The following COG5 variants were observed in gnomAD, a reference collection of about 807,000 sequenced individuals.
COG5 encodes component of oligomeric golgi complex 5.
A neutral mutation model predicts 110.4 loss-of-function variants in COG5; 86 were observed. The observed-to-expected ratio is 0.78, with a 90% confidence interval of 0.65 to 0.93. The LOEUF (loss-of-function observed/expected upper bound fraction) is 0.93, where lower values mean the gene tolerates loss of function less well. Ranked by LOEUF, COG5 falls within the 40% of genes least tolerant of loss-of-function variation. The pLI, the probability that COG5 is intolerant of heterozygous loss-of-function variation, is 0.00. For missense variants in COG5, 1,077 were observed against 987.0 expected (o/e 1.09, Z -1.22); for synonymous variants, 360 against 334.6 (o/e 1.08, Z -0.83).
intron 10 of COG5, among the ~76,000 whole-genome samples, chr7:107,347,608 G>T (rs1347181398): frequency 6.6e-6 from 1 of 152,138 alleles, no homozygotes; most frequent in East Asian, 1.9e-4. Flanking sequence ...ACAAAGAAAT[G>T]ATAAATGTTT....
intron 5 of COG5, among the ~76,000 whole-genome samples, chr7:107,545,898 G>C (rs182647090): frequency 6.6e-6 from 1 of 151,766 alleles, no homozygotes; most frequent in Non-Finnish European, 1.5e-5. Flanking sequence ...AGAACACTCC[G>C]TCCAACAGCA....
At chr7:107,337,089 C>T (rs908267090) in intron 10 of COG5, among the ~76,000 whole-genome samples, 3 of 151,542 alleles carry the variant, frequency 2.0e-5, no homozygotes, top group Non-Finnish European at 4.4e-5. Flanking sequence ...AAATCAAAAC[C>T]ACAACGAGAT....
intron 1 of COG5, among the ~76,000 whole-genome samples, chr7:107,560,060 G>C (rs776577860): frequency 7.9e-5 from 12 of 152,204 alleles, no homozygotes; most frequent in Non-Finnish European, 1.5e-4. Flanking sequence ...GATGGAAAAA[G>C]GATTAGTCAC....
rs1813228858 is a variant in COG5, at chr7:107,362,701, G to C, written c.836-281C>G. Among the ~76,000 whole-genome samples the C allele has an allele frequency of 2.6e-5, 4 of 151,888 alleles. No homozygotes were observed. The South Asian group carries it at 8.3e-4, about 32-fold the overall frequency. ...GTGAAAGGTACAGGGATGGAGGTGA[G>C]TCTTCCTCTGTTTCCTACCACTCTC... On this transcript the variant is annotated intron_variant, in intron 8 of 21. Transcript: ENST00000297135.
chr7:107,433,628 A>T (rs1057175178), intron 6 of COG5, among the ~76,000 whole-genome samples: 14 of 152,318 alleles, frequency 9.2e-5, no homozygotes, highest in African/African-American at 3.4e-4. Context: ...CCATATGCCA[A>T]ACAATAAAAT....
chr7:107,360,362 G>C (rs1326821513), intron 10 of COG5, among the ~76,000 whole-genome samples: 1 of 152,160 alleles, frequency 6.6e-6, no homozygotes, highest in African/African-American at 2.4e-5. Flanking sequence ...CATTCTTCTT[G>C]GATGTGGGAC....
At chr7:107,515,231 T>G (rs992164107) in intron 6 of COG5, among the ~76,000 whole-genome samples, 3 of 152,180 alleles carry the variant, frequency 2.0e-5, no homozygotes, top group African/African-American at 7.2e-5. Context: ...TAGATAATAC[T>G]AAATAGCTAC....
intron 19 of COG5, among the ~76,000 whole-genome samples, chr7:107,218,175 A>C (rs1349788440): frequency 1.3e-5 from 2 of 152,034 alleles, no homozygotes; most frequent in African/African-American, 4.8e-5. Flanking sequence ...TACACTAAAA[A>C]CCGTAAAACA....
chr7:107,435,182 T>C (rs1794290971), intron 6 of COG5, among the ~76,000 whole-genome samples: 1 of 152,008 alleles, frequency 6.6e-6, no homozygotes, highest in East Asian at 1.9e-4. Context: ...GTTAAATAGG[T>C]ATAGAATTTC....
At chr7:107,348,534 T>C (rs1291808852) in intron 10 of COG5, among the ~76,000 whole-genome samples, 1 of 152,226 alleles carries the variant, frequency 6.6e-6, no homozygotes, top group Non-Finnish European at 1.5e-5. Flanking sequence ...TGTATTTTTC[T>C]AGAAATCTGT....
intron 6 of COG5, among the ~76,000 whole-genome samples, chr7:107,417,029 C>T (rs1390111479): frequency 1.3e-5 from 2 of 152,060 alleles, no homozygotes; most frequent in Non-Finnish European, 2.9e-5. Flanking sequence ...TCTCCAAATC[C>T]TCAAGTAACA....
chr7:107,406,571 T>G (rs889740460), intron 7 of COG5, among the ~76,000 whole-genome samples: 1 of 152,080 alleles, frequency 6.6e-6, no homozygotes, highest in African/African-American at 2.4e-5. Flanking sequence ...AAATATCTAA[T>G]ATATATTTAT....
At chr7:107,510,904 G>A (rs1040712984) in intron 6 of COG5, among the ~76,000 whole-genome samples, 2 of 152,142 alleles carry the variant, frequency 1.3e-5, no homozygotes, top group African/African-American at 4.8e-5. Context: ...AGTGTGTAGA[G>A]GGAAATTTAT....
chr7:107,560,007 C>CT (rs1443056517), intron 1 of COG5, among the ~76,000 whole-genome samples: 1 of 152,194 alleles, frequency 6.6e-6, no homozygotes. Context: ...GCACTATCAG[C>CT]TTTATGTTAC....
intron 14 of COG5, among the ~76,000 whole-genome samples, chr7:107,270,580 C>T (rs1400924702): frequency 6.6e-6 from 1 of 151,706 alleles, no homozygotes; most frequent in Admixed American, 6.6e-5. Context: ...TTTTGAATTA[C>T]CAAAAGTGAA....
intron 6 of COG5, among the ~76,000 whole-genome samples, chr7:107,416,355 A>C (rs2129070286): frequency 6.6e-6 from 1 of 152,214 alleles, no homozygotes; most frequent in East Asian, 1.9e-4. Flanking sequence ...TATCAATAAC[A>C]ATGAATCTCA....
intron 6 of COG5, among the ~76,000 whole-genome samples, chr7:107,509,045 G>T: frequency 6.6e-6 from 1 of 152,186 alleles, no homozygotes; most frequent in East Asian, 1.9e-4. Context: ...AAGCTGGAAG[G>T]AGAATGACTT....
chr7:107,311,370 A>ATTTTTTTTCTTTTT (rs1808240978), intron 11 of COG5, among the ~76,000 whole-genome samples: 1 of 58,914 alleles, frequency 1.7e-5, no homozygotes. Flanking sequence ...GCGTATTTAC[A>ATTTTTTTTCTTTTT]TTTTTTTTTT....
chr7:107,264,329 G>A (rs1004131203), intron 14 of COG5, among the ~76,000 whole-genome samples: 2 of 151,992 alleles, frequency 1.3e-5, no homozygotes, highest in African/African-American at 4.8e-5. Context: ...AGATACTAAG[G>A]AGCAATATAT....
Sources: gnomAD v4.1 joint callset for allele counts (sites outside exome capture counted in the v4.1 genomes callset) on GRCh38, gnomAD v4.1.1 for gene constraint, MANE v1.5 for transcripts, NCBI Gene and HGNC (gene_info 2026-07-23, HGNC 2026-07-21) for gene names.